GLI2: variants seen among roughly 807,000 people sequenced by gnomAD.
The protein encoded by GLI2 is GLI family zinc finger 2, also known as transcription activator GLI2.
GLI2 carries 22 observed loss-of-function variants against 78.9 expected under a neutral mutation model. The observed-to-expected ratio is 0.28, with a 90% CI of 0.20 to 0.40. The LOEUF (loss-of-function observed/expected upper bound fraction) is 0.40. Among genes scored for constraint, GLI2 ranks in the 10% least tolerant of loss-of-function variants. The probability of loss-of-function intolerance (pLI) is 1.00; values close to 1 mark genes in which losing one functional copy is unlikely to be tolerated. For missense variants in GLI2, 2,097 were observed against 2,213.2 expected (o/e 0.95, Z 1.05); for synonymous variants, 974 against 963.7 (o/e 1.01, Z -0.20).
In GLI2 at chr2:120,777,705, G is replaced by C. The variant is rs1036668814; in HGVS notation, c.-30-19586G>C. On this transcript the variant is annotated intron_variant, in intron 1 of 13. Coordinates refer to ENST00000361492, the MANE Select transcript of GLI2 (RefSeq NM_001374353.1). ...AGACTTGGGCCATTGGATCCCAGGC[G>C]GGGGTGCAGAGCCTAGTGTGGTCAG... Among the ~76,000 whole-genome samples, 7 of 147,364 alleles carry C rather than the reference G, an allele frequency of 4.8e-5. 1 individual carries two copies. The South Asian group carries it at 6.6e-4, about 14-fold the overall frequency.
chr2:120,974,950 T>C (rs1254559253), intron 8 of GLI2, 25 bp from the exon 9 acceptor site: 1 of 1,614,110 alleles, frequency 6.2e-7, no homozygotes, highest in African/African-American at 1.3e-5. Flanking sequence ...ACGGCTCATG[T>C]GGGTGTGCCC....
chr2:120,783,618 C>G (rs755342876), intron 1 of GLI2, among the ~76,000 whole-genome samples: 1 of 151,974 alleles, frequency 6.6e-6, no homozygotes, highest in Non-Finnish European at 1.5e-5. Flanking sequence ...CAAGAAACCA[C>G]GAAGTGCAGG....
chr2:120,789,518 C>G (rs1168784816), intron 1 of GLI2, among the ~76,000 whole-genome samples: 1 of 152,292 alleles, frequency 6.6e-6, no homozygotes, highest in Non-Finnish European at 1.5e-5. Flanking sequence ...CACCAGGAAG[C>G]CTCCTCTGAC....
chr2:120,799,078 G>A (rs1344211523), intron 2 of GLI2, among the ~76,000 whole-genome samples: 1 of 152,264 alleles, frequency 6.6e-6, no homozygotes, highest in African/African-American at 2.4e-5. Context: ...TAATTAGACA[G>A]TAATTAGAAT....
rs1298307719 is a variant in GLI2, at chr2:120,787,478, T to G, written c.-30-9813T>G. Among the ~76,000 whole-genome samples, 7 of 152,164 alleles carry G rather than the reference T, an allele frequency of 4.6e-5. No individual in the cohort carries two copies. The South Asian group carries it at 1.5e-3, about 32-fold the overall frequency. The stretch of plus-strand genomic sequence containing the variant: ...GCCTTGGCATGGGTCTGGGTGCCTG[T>G]GGCTCCCGTGTGCCAGGCTACTGGG... On this transcript the variant is annotated intron_variant, in intron 1 of 13. Transcript: ENST00000361492.
At position 120,828,861 on chromosome 2, in the gene GLI2, C is replaced by CAAAAAAAAA. The variant is rs3053863; in HGVS notation, c.148+31401_148+31409dup. Among the ~76,000 whole-genome samples the CAAAAAAAAA allele has an allele frequency of 4.8e-5, 6 of 125,972 alleles. 1 individual carries two copies. Among genetic ancestry groups the CAAAAAAAAA allele is most frequent in the Non-Finnish European group, 8.1e-5 (5 of 61,736 alleles). The allele number at this position is 125,972 out of a possible 152,430, so 82.6% of individuals were successfully genotyped here. ...CTGCTGAGGCCGTGACTTCCAACTC[C>CAAAAAAAAA]AAAAAAAAAAAAAAAAGATCATCCA... On this transcript the variant is annotated intron_variant, in intron 2 of 13. Coordinates refer to ENST00000361492, the MANE Select transcript of GLI2 (RefSeq NM_001374353.1).
At chr2:120,891,635 AGG>A (rs1677686058) in intron 2 of GLI2, among the ~76,000 whole-genome samples, 1 of 152,160 alleles carries the variant, frequency 6.6e-6, no homozygotes, top group Non-Finnish European at 1.5e-5. Flanking sequence ...AGCAAAGGGC[AGG>A]GCCTGGCTTT....
At chr2:120,826,339 G>A (rs1686058779) in intron 2 of GLI2, among the ~76,000 whole-genome samples, 1 of 152,232 alleles carries the variant, frequency 6.6e-6, no homozygotes, top group Non-Finnish European at 1.5e-5. Context: ...CGTGCCTCCT[G>A]TACTGCAGGC....
chr2:120,880,675 C>A (rs1677069902), intron 2 of GLI2, among the ~76,000 whole-genome samples: 1 of 152,162 alleles, frequency 6.6e-6, no homozygotes, highest in East Asian at 1.9e-4. Context: ...AAAAAAGCAG[C>A]TATGGGCTAG....
At chr2:120,742,088 C>G in intron 1 of GLI2, among the ~76,000 whole-genome samples, 1 of 152,220 alleles carries the variant, frequency 6.6e-6, no homozygotes, top group East Asian at 1.9e-4. Context: ...GAGAGCACTC[C>G]ACGGGAGCCG....
intron 2 of GLI2, among the ~76,000 whole-genome samples, chr2:120,840,910 A>G (rs1026560054): frequency 9.9e-5 from 15 of 151,262 alleles, no homozygotes; most frequent in African/African-American, 3.4e-4. Flanking sequence ...GCCAACACCC[A>G]CTCCTGGGCT....
At chr2:120,976,141 T>G (rs995182244) in intron 9 of GLI2, among the ~76,000 whole-genome samples, 2 of 152,090 alleles carry the variant, frequency 1.3e-5, no homozygotes, top group Non-Finnish European at 2.9e-5. Flanking sequence ...CCCACTAAAT[T>G]AGTAGCTCGA....
intron 3 of GLI2, among the ~76,000 whole-genome samples, chr2:120,938,803 A>C (rs4848652): frequency 0.84 from 127,462 of 152,132 alleles, 57,491 homozygotes; most frequent in East Asian, 1. Context: ...GCCTCAGATG[A>C]TTTCCAGCAG....
At chr2:120,978,074 C>G (rs563477447) in intron 9 of GLI2, among the ~76,000 whole-genome samples, 85 of 152,302 alleles carry the variant, frequency 5.6e-4, no homozygotes, top group Non-Finnish European at 1.0e-3. Context: ...GCCCAGGCTG[C>G]GGTGCACAGG....
intron 6 of GLI2, among the ~76,000 whole-genome samples, chr2:120,969,491 A>G (rs1004681294): frequency 5.3e-5 from 8 of 152,370 alleles, no homozygotes; most frequent in Non-Finnish European, 1.0e-4. Context: ...GTTTGTCCCA[A>G]CGACCTGGAG....
intron 2 of GLI2, among the ~76,000 whole-genome samples, chr2:120,872,853 T>C (rs1688539424): frequency 6.6e-6 from 1 of 152,254 alleles, no homozygotes. Flanking sequence ...GTTCAATTAC[T>C]ATTCAGTAGG....
At chr2:120,985,419 G>A (rs867687935) in intron 12 of GLI2, among the ~76,000 whole-genome samples, 5 of 152,200 alleles carry the variant, frequency 3.3e-5, no homozygotes, top group South Asian at 2.1e-4. Flanking sequence ...GAGCAGGGGC[G>A]CCAGGCTGTA....
At chr2:120,917,508 C>G (rs1371450039) in intron 2 of GLI2, among the ~76,000 whole-genome samples, 1 of 152,254 alleles carries the variant, frequency 6.6e-6, no homozygotes, top group Non-Finnish European at 1.5e-5. Flanking sequence ...CCAGCCTTGC[C>G]CTCCTTGCAG....
At chr2:120,886,189 TGTGTGTGTGTGTGTGTGTGTGC>T (rs879797462) in intron 2 of GLI2, among the ~76,000 whole-genome samples, 1,337 of 45,036 alleles carry the variant, frequency 0.03, 18 homozygotes, top group Middle Eastern at 0.08. Context: ...TGTGTGTGTG[TGTGTGTGTGTGTGTGTGTGTGC>T]GTGTATATTT....
Sources: allele counts gnomAD v4.1 joint callset (sites outside exome capture counted in the v4.1 genomes callset), GRCh38; gene constraint gnomAD v4.1.1; transcripts MANE v1.5; gene names NCBI Gene and HGNC (gene_info 2026-07-23, HGNC 2026-07-21).